SCRN3: variants seen among roughly 807,000 people sequenced by gnomAD.
SCRN3 encodes the protein secernin 3, also known as secernin-3.
Under a neutral mutation model 43.1 loss-of-function variants are expected in SCRN3, and 39 were observed. The ratio of observed to expected loss-of-function variants is 0.91; its 90% CI spans 0.70 to 1.18. The LOEUF (loss-of-function observed/expected upper bound fraction) is 1.18, where lower values mean the gene tolerates loss of function less well. Ranked by LOEUF, SCRN3 falls within the 50% of genes most tolerant of loss-of-function variation. The pLI, the probability that SCRN3 is intolerant of heterozygous loss-of-function variation, is 0.00. For missense variants in SCRN3, 484 were observed against 498.0 expected (o/e 0.97, Z 0.27); for synonymous variants, 147 against 163.1 (o/e 0.90, Z 0.75).
In SCRN3 at chr2:174,422,980, T is replaced by A. The variant is rs1686345795; in HGVS notation, c.850T>A (p.Ser284Thr). 2 of 1,613,906 alleles carry A rather than the reference T, an allele frequency of 1.2e-6. No individual in the cohort carries two copies. Among genetic ancestry groups the A allele is most frequent in the Admixed American group, 1.7e-5 (1 of 60,028 alleles). ...GEFLTTASMV[S>T]ILPQDSSLPC... is the part of the protein sequence containing the mutation. ...ATTCCTGACCACTGCAAGCATGGTTTCTATTTTACCTCAAGACTCCAGCCT... is the reference window on the plus strand; with the variant it reads ...ATTCCTGACCACTGCAAGCATGGTTACTATTTTACCTCAAGACTCCAGCCT... Residue 284 changes from serine to threonine, a missense_variant, in exon 6 of 8, where the codon TCT becomes ACT. Physicochemically the swap from Ser to Thr is moderately conservative, Grantham distance 58. Transcript: ENST00000272732.
chr2:174,415,666 A>G (rs1686080087), intron 5 of SCRN3, among the ~76,000 whole-genome samples: 1 of 152,094 alleles, frequency 6.6e-6, no homozygotes, highest in Non-Finnish European at 1.5e-5. Flanking sequence ...TTTTTTTGAG[A>G]CAATGTCTCG....
At chr2:174,412,272 A>G (rs1223254462) in intron 5 of SCRN3, among the ~76,000 whole-genome samples, 1 of 152,178 alleles carries the variant, frequency 6.6e-6, no homozygotes, top group East Asian at 1.9e-4. Context: ...AAGAGCTCCA[A>G]GAGAAACCTT....
intron 3 of SCRN3, among the ~76,000 whole-genome samples, 169 bp from the exon 4 acceptor site, chr2:174,400,821 A>G (rs1365289521): frequency 6.6e-6 from 1 of 152,236 alleles, no homozygotes; most frequent in Non-Finnish European, 1.5e-5. Context: ...CTTTATTTCC[A>G]TGATTCCAAA....
At chr2:174,419,997 G>C (rs1035057216) in intron 5 of SCRN3, among the ~76,000 whole-genome samples, 2 of 152,022 alleles carry the variant, frequency 1.3e-5, no homozygotes, top group Non-Finnish European at 2.9e-5. Context: ...TAGAGACGAA[G>C]GGCCTAGATC....
chr2:174,411,507 T>C (rs1231101190), intron 5 of SCRN3, among the ~76,000 whole-genome samples: 9 of 152,230 alleles, frequency 5.9e-5, no homozygotes, highest in African/African-American at 2.2e-4. Context: ...AATATTTTGA[T>C]TTGTTATTAT....
chr2:174,423,031 A>G lies in SCRN3; in HGVS notation c.901A>G (p.Thr301Ala). ...SLPCIHFFTG[T>A]PDPERSVFKP... ...TCCTTGCATTCACTTCTTTACAGGG[A>G]CTCCTGATCCTGAGAGGTGAAGCCA... Residue 301 changes from threonine (T) to alanine (A), a missense_variant, in exon 6 of 8, where the codon ACT (threonine) becomes GCT (alanine). Coordinates refer to ENST00000272732, the MANE Select transcript of SCRN3 (RefSeq NM_024583.5). 1 of 1,612,236 alleles carries G rather than the reference A, an allele frequency of 6.2e-7. No individual in the cohort carries two copies. Among genetic ancestry groups the G allele is most frequent in the Non-Finnish European group, 8.5e-7 (1 of 1,178,934 alleles).
intron 5 of SCRN3, among the ~76,000 whole-genome samples, chr2:174,406,258 TTGTC>T (rs1380295578): frequency 7.2e-6 from 1 of 139,850 alleles, no homozygotes; most frequent in Admixed American, 7.1e-5. Context: ...GGCTCTCTGT[TTGTC>T]TGTTATTGGT....
chr2:174,400,921 A>G (rs1184612043), intron 3 of SCRN3, 69 bp from the exon 4 acceptor site: 1 of 1,258,548 alleles, frequency 7.9e-7, no homozygotes, highest in Non-Finnish European at 1.1e-6. Flanking sequence ...AAATCTCATG[A>G]GCATGAAATT....
chr2:174,402,035 T>C (rs1685524658), intron 4 of SCRN3, among the ~76,000 whole-genome samples: 1 of 152,158 alleles, frequency 6.6e-6, no homozygotes, highest in South Asian at 2.1e-4. Flanking sequence ...GCCTTGAACT[T>C]TGGAGGATTT....
chr2:174,408,555 G>A (rs998010326), intron 5 of SCRN3, among the ~76,000 whole-genome samples: 7 of 148,866 alleles, frequency 4.7e-5, no homozygotes, highest in Admixed American at 1.3e-4. Flanking sequence ...TCCTAGTCTC[G>A]GTGGTCTTTA....
rs1433193421 is a variant in SCRN3, at chr2:174,428,715, T to C, written c.*820T>C. On this transcript the variant is annotated 3_prime_UTR_variant, in exon 8 of 8. Coordinates refer to ENST00000272732, the MANE Select transcript of SCRN3 (RefSeq NM_024583.5). ...ATGAAATAGAATTATTAGTATATTA[T>C]GAACATTATAACATTTTGAACACTA... 6.6e-6 allele frequency: 1 copy of C among 152,220 alleles called. No individual in the cohort carries two copies. Among genetic ancestry groups the C allele is most frequent in the Non-Finnish European group, 1.5e-5 (1 of 68,020 alleles). The allele number at this position is 152,220 out of a possible 1,614,324, so 9.4% of individuals were successfully genotyped here.
intron 5 of SCRN3, among the ~76,000 whole-genome samples, chr2:174,418,012 GAAC>G (rs1468661148): frequency 6.6e-6 from 1 of 151,978 alleles, no homozygotes; most frequent in Non-Finnish European, 1.5e-5. Context: ...TAAAAATGAA[GAAC>G]AACAATGCAT....
At chr2:174,419,844 G>A (rs1351264117) in intron 5 of SCRN3, among the ~76,000 whole-genome samples, 1 of 152,150 alleles carries the variant, frequency 6.6e-6, no homozygotes, top group African/African-American at 2.4e-5. Context: ...GTGCAGTGGA[G>A]TGGTTAAAAA....
chr2:174,416,170 G>A (rs1025701120), intron 5 of SCRN3, among the ~76,000 whole-genome samples: 2 of 152,154 alleles, frequency 1.3e-5, no homozygotes, highest in Non-Finnish European at 2.9e-5. Context: ...GGTAAGTAGG[G>A]CTGAAATCCA....
At chr2:174,402,621 C>T (rs976440942) in intron 4 of SCRN3, among the ~76,000 whole-genome samples, 7 of 151,812 alleles carry the variant, frequency 4.6e-5, no homozygotes, top group Non-Finnish European at 8.8e-5. Flanking sequence ...CCCAGGAGGT[C>T]GAGGCTGCAG....
Position 174,399,981 on chromosome 2 carries a change from A to C in SCRN3, c.219A>C (p.Pro73=). 6.3e-7 allele frequency: 1 copy of C among 1,587,060 alleles called. No individual in the cohort carries two copies. The highest frequency in any genetic ancestry group is 1.1e-5 in the South Asian group (1 of 87,286). Residue 73 remains proline, a synonymous_variant, in exon 3 of 8, where the codon CCA becomes CCC. Coordinates refer to ENST00000272732, the MANE Select transcript of SCRN3 (RefSeq NM_024583.5). The part of the protein sequence containing the change: ...PETYAVVLSR[P]AWLWGAEMGA... ...CATATGCTGTTGTCCTGAGTCGCCCAGCGTGGTTGTGGGGGGCAGAAATGG... is the reference window on the plus strand; with the variant it reads ...CATATGCTGTTGTCCTGAGTCGCCCCGCGTGGTTGTGGGGGGCAGAAATGG...
At chr2:174,397,670 T>C (rs1478373591) in intron 1 of SCRN3, among the ~76,000 whole-genome samples, 1 of 152,172 alleles carries the variant, frequency 6.6e-6, no homozygotes, top group Admixed American at 6.5e-5. Context: ...TAAAGATTAG[T>C]AAGACATACT....
At chr2:174,406,126 T>C (rs202242913) in intron 5 of SCRN3, among the ~76,000 whole-genome samples, 1 of 138,598 alleles carries the variant, frequency 7.2e-6, no homozygotes, top group East Asian at 2.1e-4. Context: ...TATCCTCTTT[T>C]ATTTCTTTGA....
chr2:174,420,970 G>C (rs1354233521), intron 5 of SCRN3, among the ~76,000 whole-genome samples: 1 of 152,068 alleles, frequency 6.6e-6, no homozygotes, highest in Non-Finnish European at 1.5e-5. Flanking sequence ...GCCTCAAGAA[G>C]CTCTGCAAAT....
Sources: gnomAD v4.1 joint callset for allele counts (sites outside exome capture counted in the v4.1 genomes callset) on GRCh38, gnomAD v4.1.1 for gene constraint, MANE v1.5 for transcripts, NCBI Gene and HGNC (gene_info 2026-07-23, HGNC 2026-07-21) for gene names.